Variants in ASAP2 observed in about 807,000 individuals in gnomAD.
ASAP2 encodes the protein arf-GAP with SH3 domain, ANK repeat and PH domain-containing protein 2.
In ASAP2, 45 loss-of-function variants were observed where a neutral mutation model predicts 131.4. The ratio of observed to expected loss-of-function variants is 0.34; its 90% CI spans 0.27 to 0.44. The LOEUF (loss-of-function observed/expected upper bound fraction) is 0.44. Among genes scored for constraint, ASAP2 ranks in the 20% least tolerant of loss-of-function variants. ASAP2 has a pLI of 1.00. For synonymous variants in ASAP2, 510 were observed against 503.0 expected, an observed-to-expected ratio of 1.01 and a Z score of -0.19; for missense variants, 1,011 against 1,297.0, an observed-to-expected ratio of 0.78 and a Z score of 3.39.
Position 9,251,172 on chromosome 2 carries a change from G to A in ASAP2, c.127-28145G>A, listed in dbSNP as rs115873622. Among the ~76,000 whole-genome samples, 1,446 of 152,346 alleles carry A rather than the reference G, an allele frequency of 9.5e-3. 30 individuals are homozygous for A. Among genetic ancestry groups the A allele is most frequent in the African/African-American group, 0.033 (1,379 of 41,570 alleles). On this transcript the variant is annotated intron_variant, in intron 1 of 27. Coordinates refer to ENST00000281419, the MANE Select transcript of ASAP2 (RefSeq NM_003887.3). ...ACAGATCGCGAAGGAGATTTTGAAA[G>A]GAGGAACGTGGCCAGAGCGTTGTCA...
intron 20 of ASAP2, among the ~76,000 whole-genome samples, chr2:9,382,703 T>A (rs1190158092): frequency 3.3e-5 from 5 of 152,330 alleles, no homozygotes; most frequent in African/African-American, 1.2e-4. Flanking sequence ...GCCTGTTGTT[T>A]TGGGGAAAAC....
intron 4 of ASAP2, among the ~76,000 whole-genome samples, chr2:9,319,509 A>G (rs778316587): frequency 1.3e-5 from 2 of 152,248 alleles, no homozygotes; most frequent in Non-Finnish European, 2.9e-5. Flanking sequence ...TCCCAGGCAG[A>G]GGAAAGGCGC....
chr2:9,226,038 T>C (rs1662739880), intron 1 of ASAP2, among the ~76,000 whole-genome samples: 1 of 152,134 alleles, frequency 6.6e-6, no homozygotes, highest in Non-Finnish European at 1.5e-5. Flanking sequence ...GGAGATGACA[T>C]TGGATAAGCT....
chr2:9,275,070 T>C (rs567656329), intron 1 of ASAP2, among the ~76,000 whole-genome samples: 1 of 145,756 alleles, frequency 6.9e-6, no homozygotes, highest in African/African-American at 2.6e-5. Flanking sequence ...TGTTTTGTTT[T>C]TTCATTTGTC....
chr2:9,224,953 C>A (rs1445574227), intron 1 of ASAP2, among the ~76,000 whole-genome samples: 1 of 152,124 alleles, frequency 6.6e-6, no homozygotes, highest in East Asian at 1.9e-4. Context: ...GGGAGTCTCA[C>A]CAAAGGAGGG....
At chr2:9,370,729 G>A (rs549077683) in intron 16 of ASAP2, among the ~76,000 whole-genome samples, 1 of 152,322 alleles carries the variant, frequency 6.6e-6, no homozygotes, top group South Asian at 2.1e-4. Flanking sequence ...GTGGGTGACA[G>A]AAGTCACATC....
chr2:9,400,863 C>G, intron 26 of ASAP2, 33 bp downstream of exon 26: 1 of 1,593,002 alleles, frequency 6.3e-7, no homozygotes, highest in African/African-American at 1.3e-5. Flanking sequence ...TGCCTCTCTG[C>G]TCTAGCCAGG....
chr2:9,344,648 G>C lies in ASAP2; in HGVS notation c.953+13G>C. The C allele has an allele frequency of 6.2e-7, 1 of 1,613,542 alleles. No individual in the cohort carries two copies. Among genetic ancestry groups the C allele is most frequent in the African/African-American group, 1.3e-5 (1 of 75,034 alleles). On this transcript the variant is annotated intron_variant, in intron 10 of 27. Transcript: ENST00000281419. ...AGAAGAGTGACGGGTACGTGAGGGG[G>C]TGTGGCTAGAGTTTAAATGTACGTT...
At chr2:9,317,323 AATC>A (rs1221013533) in intron 3 of ASAP2, among the ~76,000 whole-genome samples, 5 of 70,820 alleles carry the variant, frequency 7.1e-5, no homozygotes, top group East Asian at 4.7e-4. Flanking sequence ...CCACTCACAC[AATC>A]ATATCTTCAC....
At chr2:9,399,685 T>G (rs566890517) in intron 24 of ASAP2, 21 of 357,644 alleles carry the variant, frequency 5.9e-5, no homozygotes, top group Non-Finnish European at 1.0e-4. Context: ...CCCTTTCATG[T>G]GATGGGACCA....
intron 11 of ASAP2, among the ~76,000 whole-genome samples, chr2:9,347,140 C>A (rs1267414881): frequency 2.0e-5 from 3 of 152,214 alleles, no homozygotes; most frequent in Non-Finnish European, 2.9e-5. Flanking sequence ...TGTCTTGATT[C>A]ACTTCCTCGC....
At chr2:9,379,828 C>T (rs532554361) in intron 19 of ASAP2, among the ~76,000 whole-genome samples, 2 of 152,074 alleles carry the variant, frequency 1.3e-5, no homozygotes, top group South Asian at 4.2e-4. Context: ...CCTGTCTCCA[C>T]TAAAAATACA....
intron 1 of ASAP2, among the ~76,000 whole-genome samples, chr2:9,263,929 C>T (rs1369794426): frequency 6.6e-6 from 1 of 152,122 alleles, no homozygotes; most frequent in African/African-American, 2.4e-5. Context: ...CCGTGTCTCA[C>T]ACCTGTAATC....
At chr2:9,347,952 C>T (rs138814217) in intron 11 of ASAP2, among the ~76,000 whole-genome samples, 17 of 152,310 alleles carry the variant, frequency 1.1e-4, no homozygotes, top group Middle Eastern at 6.8e-3. Flanking sequence ...ATAATCTCTG[C>T]CTGCATGGCA....
intron 1 of ASAP2, chr2:9,271,522 T>G (rs1349907685): frequency 6.6e-7 from 1 of 1,517,396 alleles, no homozygotes; most frequent in Non-Finnish European, 9.1e-7. Context: ...GTTTCTCTGT[T>G]GAATTCTTAT....
chr2:9,363,932 G>T (rs2148673514), intron 15 of ASAP2, among the ~76,000 whole-genome samples: 1 of 152,160 alleles, frequency 6.6e-6, no homozygotes, highest in Admixed American at 6.5e-5. Context: ...TTAGTTCTGG[G>T]GAATCATGTC....
chr2:9,382,169 A>G (rs1235669373), intron 20 of ASAP2, among the ~76,000 whole-genome samples: 2 of 152,108 alleles, frequency 1.3e-5, no homozygotes, highest in Non-Finnish European at 2.9e-5. Flanking sequence ...TTTTTAATAG[A>G]GACGGGGTTT....
At chr2:9,377,036 G>A in intron 18 of ASAP2, 43 bp downstream of exon 18, 1 of 1,545,554 alleles carries the variant, frequency 6.5e-7, no homozygotes, top group Non-Finnish European at 8.9e-7. Context: ...TTTCTCCTTG[G>A]TATTTCTGGG....
chr2:9,373,836 T>A (rs1324041235), intron 16 of ASAP2, among the ~76,000 whole-genome samples: 1 of 152,190 alleles, frequency 6.6e-6, no homozygotes, highest in Non-Finnish European at 1.5e-5. Context: ...ACCCTCAACC[T>A]TCAGAATTGG....
Sources: allele counts gnomAD v4.1 joint callset (sites outside exome capture counted in the v4.1 genomes callset), GRCh38; gene constraint gnomAD v4.1.1; transcripts MANE v1.5; gene names NCBI Gene and HGNC (gene_info 2026-07-23, HGNC 2026-07-21).